The following GABRA2 variants were observed in gnomAD, a reference collection of about 807,000 sequenced individuals.
GABRA2 encodes the protein gamma-aminobutyric acid receptor subunit alpha-2.
In GABRA2, 16 loss-of-function variants were observed where a neutral mutation model predicts 48.7. The observed-to-expected ratio is 0.33, with a 90% CI of 0.22 to 0.50. The LOEUF (loss-of-function observed/expected upper bound fraction) is 0.50. GABRA2 is among the 20% of genes least tolerant of loss of function. GABRA2 has a pLI of 0.98. For synonymous variants in GABRA2, 185 were observed against 184.5 expected, an observed-to-expected ratio of 1.00 and a Z score of -0.02; for missense variants, 275 against 535.6, an observed-to-expected ratio of 0.51 and a Z score of 4.80.
At chr4:46,312,793 T>A in intron 4 of GABRA2, 77 bp from the exon 5 acceptor site, 1 of 714,402 alleles carries the variant, frequency 1.4e-6, no homozygotes. Flanking sequence ...CAAAATAATA[T>A]TCTAATTAAT....
At chr4:46,385,405 A>G (rs1366898210) in intron 3 of GABRA2, among the ~76,000 whole-genome samples, 2 of 151,874 alleles carry the variant, frequency 1.3e-5, no homozygotes, top group African/African-American at 2.4e-5. Flanking sequence ...ATAAAAATAT[A>G]TTTATTTTTC....
At chr4:46,252,531 G>A (rs1380650022) in intron 9 of GABRA2, among the ~76,000 whole-genome samples, 2 of 151,320 alleles carry the variant, frequency 1.3e-5, no homozygotes, top group Non-Finnish European at 3.0e-5. Flanking sequence ...CCAGGTCTGC[G>A]CCTATTAAAT....
At chr4:46,364,001 C>A (rs1713641732) in intron 3 of GABRA2, 1 of 152,164 alleles carries the variant, frequency 6.6e-6, no homozygotes, top group Non-Finnish European at 1.5e-5. Flanking sequence ...TTGCGGAAGA[C>A]TCAGAAATAA....
chr4:46,307,464 G>A (rs1489156730), intron 6 of GABRA2, among the ~76,000 whole-genome samples: 2 of 149,248 alleles, frequency 1.3e-5, no homozygotes, highest in Admixed American at 1.3e-4. Context: ...TTAGCGGAAC[G>A]ACATCACTTT....
intron 3 of GABRA2, among the ~76,000 whole-genome samples, chr4:46,350,677 A>G (rs888962275): frequency 5.3e-5 from 8 of 152,018 alleles, no homozygotes; most frequent in African/African-American, 1.4e-4. Flanking sequence ...TGAGAAATGG[A>G]TAAATGAATG....
chr4:46,243,580 AG>A lies in GABRA2; in HGVS notation c.*6727del, dbSNP rs1476362808. The A allele has an allele frequency of 6.6e-6, 1 of 151,594 alleles. No homozygotes were observed. Among genetic ancestry groups the A allele is most frequent in the Admixed American group, 6.6e-5 (1 of 15,164 alleles). 9.4% of individuals were successfully genotyped at this position (151,594 alleles called of 1,614,324 possible). On this transcript the variant is annotated 3_prime_UTR_variant, in exon 10 of 10. Transcript: ENST00000381620. ...AAATCATTTTTAATAAATACAAAAAAGTTGTTTAGCATTAATTTGCATGTGA... is the reference window on the plus strand; with the variant it reads ...AAATCATTTTTAATAAATACAAAAAATTGTTTAGCATTAATTTGCATGTGA...
intron 8 of GABRA2, among the ~76,000 whole-genome samples, chr4:46,290,991 G>A (rs1394170344): frequency 2.0e-5 from 3 of 152,046 alleles, no homozygotes; most frequent in East Asian, 1.9e-4. Flanking sequence ...CATTGCTTGT[G>A]TTTTGTTAAG....
chr4:46,322,872 C>T (rs1200672463), intron 4 of GABRA2, among the ~76,000 whole-genome samples: 2 of 151,908 alleles, frequency 1.3e-5, no homozygotes, highest in African/African-American at 4.8e-5. Context: ...GCAAACAATA[C>T]CCTAATCCTT....
At chr4:46,385,112 CA>C (rs1717275133) in intron 3 of GABRA2, among the ~76,000 whole-genome samples, 5 of 141,644 alleles carry the variant, frequency 3.5e-5, no homozygotes, top group Middle Eastern at 3.7e-3. Flanking sequence ...TATATATAAA[CA>C]AAACTTATAT....
chr4:46,373,244 C>G (rs1377668342), intron 3 of GABRA2, among the ~76,000 whole-genome samples: 2 of 152,148 alleles, frequency 1.3e-5, no homozygotes, highest in Non-Finnish European at 2.9e-5. Flanking sequence ...TTTCATCACC[C>G]CTATATTTCA....
At chr4:46,253,280 A>G (rs1225302973) in intron 9 of GABRA2, among the ~76,000 whole-genome samples, 1 of 151,414 alleles carries the variant, frequency 6.6e-6, no homozygotes, top group Non-Finnish European at 1.5e-5. Flanking sequence ...TATGCTCAGG[A>G]AATACAGGTA....
chr4:46,367,406 G>T (rs1047764882), intron 3 of GABRA2: 25 of 152,022 alleles, frequency 1.6e-4, no homozygotes, highest in African/African-American at 5.6e-4. Flanking sequence ...ACCACACATG[G>T]TCTCTTCCTC....
intron 3 of GABRA2, among the ~76,000 whole-genome samples, chr4:46,380,438 G>T (rs1280105059): frequency 6.6e-6 from 1 of 152,138 alleles, no homozygotes; most frequent in Non-Finnish European, 1.5e-5. Flanking sequence ...TGCGACATGG[G>T]TTGATATATT....
intron 4 of GABRA2, among the ~76,000 whole-genome samples, chr4:46,317,808 A>G (rs758293684): frequency 1.1e-4 from 16 of 151,976 alleles, no homozygotes; most frequent in East Asian, 1.9e-4. Flanking sequence ...ATTTATAATT[A>G]TCAGTGAGGC....
chr4:46,351,419 T>C (rs188304434), intron 3 of GABRA2, among the ~76,000 whole-genome samples: 21 of 152,174 alleles, frequency 1.4e-4, no homozygotes, highest in Non-Finnish European at 2.9e-4. Context: ...TCATGAAATA[T>C]TCTCTTTAAT....
chr4:46,266,809 C>T (rs1718343163), intron 8 of GABRA2, among the ~76,000 whole-genome samples: 1 of 143,132 alleles, frequency 7.0e-6, no homozygotes, highest in Admixed American at 7.3e-5. Context: ...GCAACCTTTG[C>T]CTCCCAGGTT....
At chr4:46,278,030 G>A (rs1204658917) in intron 8 of GABRA2, among the ~76,000 whole-genome samples, 1 of 152,124 alleles carries the variant, frequency 6.6e-6, no homozygotes, top group Admixed American at 6.6e-5. Context: ...TCAGTAGATA[G>A]TCAGATATAA....
Position 46,315,007 on chromosome 4 carries a change from T to A in GABRA2, c.256-2291A>T, listed in dbSNP as rs1332135379. 2.0e-5 allele frequency among the ~76,000 whole-genome samples: 3 copies of A among 152,120 alleles called. No homozygotes were observed. The East Asian group carries it at 5.8e-4, about 29-fold the overall frequency. ...ATTTTCCTTTGAGATATATAACCAG[T>A]AATGCGATTGCTGGGTTGCATGGTA... On this transcript the variant is annotated intron_variant, in intron 4 of 9. Transcript: ENST00000381620.
intron 8 of GABRA2, among the ~76,000 whole-genome samples, chr4:46,299,077 T>G (rs1725268057): frequency 1.3e-5 from 2 of 151,462 alleles, no homozygotes; most frequent in African/African-American, 2.4e-5. Context: ...AATATCACCT[T>G]TTTGTTCACT....
Sources: allele counts gnomAD v4.1 joint callset (sites outside exome capture counted in the v4.1 genomes callset), GRCh38; gene constraint gnomAD v4.1.1; transcripts MANE v1.5; gene names NCBI Gene and HGNC (gene_info 2026-07-23, HGNC 2026-07-21).